The following CUL3 variants were observed in gnomAD, a reference collection of about 807,000 sequenced individuals.
CUL3 encodes the protein cullin 3, also known as cullin-3.
In CUL3, 19 loss-of-function variants were observed where a neutral mutation model predicts 89.1. The ratio of observed to expected loss-of-function variants is 0.21; its 90% confidence interval spans 0.15 to 0.31. CUL3 has a LOEUF of 0.31. CUL3 is among the 10% of genes least tolerant of loss of function. The pLI is 1.00. For missense variants in CUL3, 469 were observed against 942.3 expected (o/e 0.50, Z 6.58); for synonymous variants, 351 against 308.4 (o/e 1.14, Z -1.45).
chr2:224,533,130 G>A (rs988704788), intron 3 of CUL3: 1 of 152,190 alleles, frequency 6.6e-6, no homozygotes, highest in African/African-American at 2.4e-5. Context: ...CAGTGTGAAG[G>A]GTTGACCACA....
chr2:224,512,287 G>A (rs1021276323), intron 5 of CUL3, among the ~76,000 whole-genome samples: 1 of 151,950 alleles, frequency 6.6e-6, no homozygotes, highest in East Asian at 1.9e-4. Context: ...TAGTAGAAAT[G>A]GGGTTTCACC....
At chr2:224,546,348 T>C (rs1214594761) in intron 2 of CUL3, among the ~76,000 whole-genome samples, 1 of 152,082 alleles carries the variant, frequency 6.6e-6, no homozygotes, top group Non-Finnish European at 1.5e-5. Context: ...ACAGACAGAC[T>C]TCAATCTCAA....
chr2:224,547,527 C>T (rs1182855112), intron 2 of CUL3, among the ~76,000 whole-genome samples: 1 of 152,118 alleles, frequency 6.6e-6, no homozygotes, highest in Non-Finnish European at 1.5e-5. Context: ...GGCAAAGTAA[C>T]TCCCCCTCAA....
Position 224,570,930 on chromosome 2 carries a change from A to G in CUL3, c.67-13074T>C, listed in dbSNP as rs1287200681. On this transcript the variant is annotated intron_variant, in intron 1 of 15. Transcript: ENST00000264414. ...CTTCCAGATTAGCCTATTTAAGTCC[A>G]TTTAAGTCACAGAGCAATTGAGCTA... is the stretch of plus-strand genomic sequence containing the variant. Among the ~76,000 whole-genome samples the G allele has an allele frequency of 2.0e-5, 3 of 152,250 alleles. No individual in the cohort carries two copies. The East Asian group carries it at 5.8e-4, about 29-fold the overall frequency.
At chr2:224,557,881 GACAA>G in intron 1 of CUL3, 25 bp from the exon 2 acceptor site, 1 of 53,716 alleles carries the variant, frequency 1.9e-5, no homozygotes, top group Non-Finnish European at 2.9e-5. Context: ...AGAGAGAAGA[GACAA>G]AAAAAAAAAA....
intron 2 of CUL3, among the ~76,000 whole-genome samples, chr2:224,548,350 C>G (rs1559207617): frequency 1.3e-5 from 2 of 152,218 alleles, no homozygotes; most frequent in Admixed American, 1.3e-4. Context: ...TCCTCTTATT[C>G]TGGCTTCCTC....
intron 1 of CUL3, among the ~76,000 whole-genome samples, chr2:224,574,404 C>T (rs1695252455): frequency 1.3e-5 from 2 of 152,150 alleles, no homozygotes; most frequent in Non-Finnish European, 2.9e-5. Context: ...TTCTCAATTT[C>T]CTATTAACCG....
At chr2:224,573,963 G>A (rs1695243816) in intron 1 of CUL3, among the ~76,000 whole-genome samples, 1 of 152,128 alleles carries the variant, frequency 6.6e-6, no homozygotes. Context: ...GAAAGGAATT[G>A]GAGATGAAAA....
intron 13 of CUL3, among the ~76,000 whole-genome samples, chr2:224,494,443 G>GA (rs1401890964): frequency 1.3e-5 from 2 of 150,942 alleles, no homozygotes; most frequent in Admixed American, 6.6e-5. Context: ...AAAGGAAAAG[G>GA]AAAAAAAAGC....
intron 6 of CUL3, among the ~76,000 whole-genome samples, chr2:224,510,278 G>A (rs1332575200): frequency 2.7e-5 from 4 of 148,082 alleles, no homozygotes; most frequent in African/African-American, 9.9e-5. Context: ...TTTTAAAAAG[G>A]AAGCCTCTCT....
intron 11 of CUL3, chr2:224,500,141 C>T: frequency 2.4e-6 from 1 of 420,468 alleles, no homozygotes; most frequent in Admixed American, 3.7e-5. Flanking sequence ...CAAATGCCAG[C>T]ATATAAACAA....
intron 6 of CUL3, among the ~76,000 whole-genome samples, chr2:224,510,279 A>T (rs1330394622): frequency 1.3e-5 from 2 of 148,512 alleles, no homozygotes; most frequent in African/African-American, 5.0e-5. Flanking sequence ...TTTAAAAAGG[A>T]AGCCTCTCTA....
chr2:224,523,932 T>C (rs1693366607), intron 3 of CUL3, among the ~76,000 whole-genome samples: 1 of 152,002 alleles, frequency 6.6e-6, no homozygotes, highest in South Asian at 2.1e-4. Context: ...AAGTTACTGT[T>C]TAGTGAGTAC....
chr2:224,582,025 C>G (rs1461925462), intron 1 of CUL3, among the ~76,000 whole-genome samples: 1 of 151,830 alleles, frequency 6.6e-6, no homozygotes, highest in African/African-American at 2.4e-5. Context: ...AGTGCAATGG[C>G]GCGATCTCAG....
intron 12 of CUL3, 124 bp from the exon 13 acceptor site, chr2:224,496,090 G>A: frequency 9.8e-7 from 1 of 1,021,766 alleles, no homozygotes; most frequent in Admixed American, 2.5e-5. Context: ...CAGTGCAGTG[G>A]CGCAAACACA....
At chr2:224,511,694 A>G (rs950676515) in intron 5 of CUL3, 112 bp from the exon 6 acceptor site, 3 of 591,568 alleles carry the variant, frequency 5.1e-6, no homozygotes, top group Non-Finnish European at 8.5e-6. Flanking sequence ...AATAAGTACT[A>G]TTAGCATTTT....
At chr2:224,519,229 A>G (rs1693174928) in intron 3 of CUL3, among the ~76,000 whole-genome samples, 1 of 152,242 alleles carries the variant, frequency 6.6e-6, no homozygotes, top group African/African-American at 2.4e-5. Context: ...CCTTTGGGCT[A>G]TGTATATAAG....
At chr2:224,530,390 C>G (rs1322765481) in intron 3 of CUL3, among the ~76,000 whole-genome samples, 1 of 151,904 alleles carries the variant, frequency 6.6e-6, no homozygotes, top group Non-Finnish European at 1.5e-5. Flanking sequence ...CACAAGAAAC[C>G]TGCATAGTTG....
At chr2:224,564,534 G>A (rs970841369) in intron 1 of CUL3, among the ~76,000 whole-genome samples, 1 of 152,172 alleles carries the variant, frequency 6.6e-6, no homozygotes, top group East Asian at 1.9e-4. Flanking sequence ...CTTTATTATT[G>A]TTGTTGCTAA....
Sources: gnomAD v4.1 joint callset for allele counts (sites outside exome capture counted in the v4.1 genomes callset) on GRCh38, gnomAD v4.1.1 for gene constraint, MANE v1.5 for transcripts, NCBI Gene and HGNC (gene_info 2026-07-23, HGNC 2026-07-21) for gene names.